Variants in RERG observed in about 807,000 individuals in gnomAD.
The protein encoded by RERG is RAS like estrogen regulated growth inhibitor, also known as ras-related and estrogen-regulated growth inhibitor.
Under a neutral mutation model 23.2 loss-of-function variants are expected in RERG, and 25 were observed. The observed-to-expected ratio is 1.08, with a 90% CI of 0.79 to 1.50. The LOEUF (loss-of-function observed/expected upper bound fraction) is 1.50. Among genes scored for constraint, RERG ranks in the 40% most tolerant of loss-of-function variants. The pLI is 0.00. For missense variants in RERG, 253 were observed against 250.1 expected, an observed-to-expected ratio of 1.01 and a Z score of -0.08; for synonymous variants, 81 against 89.1, an observed-to-expected ratio of 0.91 and a Z score of 0.51.
intron 2 of RERG, among the ~76,000 whole-genome samples, chr12:15,176,683 G>A (rs1401888283): frequency 6.6e-6 from 1 of 151,946 alleles, no homozygotes; most frequent in African/African-American, 2.4e-5. Context: ...TGGGGACTTG[G>A]GTCCAGTGAG....
chr12:15,215,234 G>C (rs1463513391), intron 2 of RERG, among the ~76,000 whole-genome samples: 1 of 152,210 alleles, frequency 6.6e-6, no homozygotes, highest in Non-Finnish European at 1.5e-5. Flanking sequence ...AGCAGAATTT[G>C]ATCTCTCTGT....
At chr12:15,112,168 G>A (rs1863632065) in intron 3 of RERG, among the ~76,000 whole-genome samples, 1 of 152,180 alleles carries the variant, frequency 6.6e-6, no homozygotes, top group African/African-American at 2.4e-5. Context: ...ACCAACAGAA[G>A]CTACTAATTT....
chr12:15,120,960 A>G (rs756736401), intron 3 of RERG, 103 bp downstream of exon 3: 10 of 839,586 alleles, frequency 1.2e-5, no homozygotes, highest in Non-Finnish European at 2.0e-5. Flanking sequence ...GCACTTCCAC[A>G]TCAGCTAAAA....
At chr12:15,110,115 TGTC>T (rs929952508) in intron 4 of RERG, among the ~76,000 whole-genome samples, 3 of 152,116 alleles carry the variant, frequency 2.0e-5, no homozygotes, top group Non-Finnish European at 2.9e-5. Flanking sequence ...GCCCCCAAAA[TGTC>T]GTGTAGTACC....
chr12:15,194,167 C>T (rs939830179), intron 2 of RERG, among the ~76,000 whole-genome samples: 14 of 152,116 alleles, frequency 9.2e-5, no homozygotes, highest in African/African-American at 2.9e-4. Flanking sequence ...GGAGAGAGTG[C>T]GCAGCTGGGG....
intron 2 of RERG, among the ~76,000 whole-genome samples, chr12:15,152,289 C>T (rs900014771): frequency 3.3e-5 from 5 of 152,242 alleles, no homozygotes; most frequent in Admixed American, 3.3e-4. Flanking sequence ...TCTGGCTGTC[C>T]TACTGACTTG....
At chr12:15,168,788 T>C (rs1437287426) in intron 2 of RERG, among the ~76,000 whole-genome samples, 2 of 152,204 alleles carry the variant, frequency 1.3e-5, no homozygotes, top group Admixed American at 6.6e-5. Flanking sequence ...AAGCACATGA[T>C]GTTTCTTAAC....
chr12:15,167,193 G>A (rs1042695066), intron 2 of RERG, among the ~76,000 whole-genome samples: 1 of 152,170 alleles, frequency 6.6e-6, no homozygotes, highest in Non-Finnish European at 1.5e-5. Flanking sequence ...AAACCAGAAT[G>A]TCCCAGACAC....
rs149731711 is a variant in RERG at position 15,200,615 on chromosome 12, T to C, written c.61+16814A>G. On this transcript the variant is annotated intron_variant, in intron 2 of 4. Coordinates refer to ENST00000256953, the MANE Select transcript of RERG (RefSeq NM_032918.3). ...TGGCATTTTGCCCTTTGTAGGGGCTTGATTCTTCCAGTTATTTGATTCACA... is the reference window on the plus strand; with the variant it reads ...TGGCATTTTGCCCTTTGTAGGGGCTCGATTCTTCCAGTTATTTGATTCACA... Among the ~76,000 whole-genome samples, 11 of 152,124 alleles carry C rather than the reference T, an allele frequency of 7.2e-5. No homozygotes were observed. In the East Asian group the frequency reaches 2.1e-3, roughly 29 times the overall value.
intron 2 of RERG, among the ~76,000 whole-genome samples, chr12:15,194,044 T>C (rs1865109033): frequency 6.6e-6 from 1 of 152,108 alleles, no homozygotes; most frequent in African/African-American, 2.4e-5. Flanking sequence ...TAAGTACCTT[T>C]ACAAGAACAA....
At position 15,175,497 on chromosome 12, in the gene RERG, G is replaced by A. The variant is rs61743034; in HGVS notation, c.61+41932C>T. Among the ~76,000 whole-genome samples the A allele has an allele frequency of 3.9e-3, 596 of 151,810 alleles. 5 individuals are homozygous for A. The highest frequency in any genetic ancestry group is 0.014 in the African/African-American group (559 of 41,378). On this transcript the variant is annotated intron_variant, in intron 2 of 4. Coordinates refer to ENST00000256953, the MANE Select transcript of RERG (RefSeq NM_032918.3). ...CAGCCAAAGACTAGAGACTGGGGCCGTCTCAGGTCTTTACTGGGCATACAC... is the reference window on the plus strand; with the variant it reads ...CAGCCAAAGACTAGAGACTGGGGCCATCTCAGGTCTTTACTGGGCATACAC...
intron 2 of RERG, among the ~76,000 whole-genome samples, chr12:15,206,764 T>C (rs1206189976): frequency 6.6e-6 from 1 of 152,148 alleles, no homozygotes; most frequent in Non-Finnish European, 1.5e-5. Flanking sequence ...AATTCAGCCA[T>C]TTTAGTACAA....
At chr12:15,118,149 CT>C (rs1230847719) in intron 3 of RERG, among the ~76,000 whole-genome samples, 1 of 152,052 alleles carries the variant, frequency 6.6e-6, no homozygotes. Flanking sequence ...CCCCCATTTC[CT>C]TCCCTTGCCT....
intron 2 of RERG, among the ~76,000 whole-genome samples, chr12:15,151,140 G>A (rs909557392): frequency 6.6e-6 from 1 of 152,134 alleles, no homozygotes; most frequent in African/African-American, 2.4e-5. Flanking sequence ...GTTTTGTTGT[G>A]ACTATGGGTG....
chr12:15,220,022 C>G (rs527404869), intron 1 of RERG, among the ~76,000 whole-genome samples: 1 of 152,266 alleles, frequency 6.6e-6, no homozygotes, highest in South Asian at 2.1e-4. Flanking sequence ...ACAAAACTGA[C>G]AGGAGTTCTT....
Position 15,147,513 on chromosome 12 carries a change from G to A in RERG, c.62-26394C>T, listed in dbSNP as rs191674018. On this transcript the variant is annotated intron_variant, in intron 2 of 4. Coordinates refer to ENST00000256953, the MANE Select transcript of RERG (RefSeq NM_032918.3). ...ATATTTATTTTTAAGAATACCGAGG[G>A]CAGCAAGGAAATTGAAACTTTGTTT... Among the ~76,000 whole-genome samples, 19 of 152,238 alleles carry A rather than the reference G, an allele frequency of 1.2e-4. No individual in the cohort carries two copies. In the East Asian group the frequency reaches 3.5e-3, roughly 28 times the overall value.
At chr12:15,119,366 C>G (rs963043713) in intron 3 of RERG, among the ~76,000 whole-genome samples, 2 of 151,990 alleles carry the variant, frequency 1.3e-5, no homozygotes, top group African/African-American at 4.8e-5. Context: ...AGATTAGGTA[C>G]TGGAACACAT....
chr12:15,205,629 T>C (rs939669972), intron 2 of RERG, among the ~76,000 whole-genome samples: 2 of 151,540 alleles, frequency 1.3e-5, no homozygotes, highest in African/African-American at 4.8e-5. Flanking sequence ...GGGTTCTTAG[T>C]GCAAAAATAA....
At chr12:15,177,799 T>TGAAAAAC (rs1265214095) in intron 2 of RERG, among the ~76,000 whole-genome samples, 1 of 147,864 alleles carries the variant, frequency 6.8e-6, no homozygotes, top group Non-Finnish European at 1.5e-5. Flanking sequence ...AGAGAAAACA[T>TGAAAAAC]GAAAAACTAA....
Sources: allele counts gnomAD v4.1 joint callset (sites outside exome capture counted in the v4.1 genomes callset), GRCh38; gene constraint gnomAD v4.1.1; transcripts MANE v1.5; gene names NCBI Gene and HGNC (gene_info 2026-07-23, HGNC 2026-07-21).